ACAP2: variants seen among roughly 807,000 people sequenced by gnomAD.
ACAP2 encodes ArfGAP with coiled-coil, ankyrin repeat and PH domains 2, also known as arf-GAP with coiled-coil, ANK repeat and PH domain-containing protein 2.
ACAP2 carries 39 observed loss-of-function variants against 115.8 expected under a neutral mutation model. That is an observed-to-expected ratio of 0.34 (90% CI 0.26 to 0.44). ACAP2 has a LOEUF of 0.44. ACAP2 is among the 20% of genes least tolerant of loss of function. The pLI is 1.00. For missense variants in ACAP2, 662 were observed against 927.6 expected (o/e 0.71, Z 3.72); for synonymous variants, 289 against 315.8 (o/e 0.92, Z 0.90).
intron 10 of ACAP2, among the ~76,000 whole-genome samples, chr3:195,310,757 T>G (rs1327916538): frequency 1.3e-5 from 2 of 152,228 alleles, no homozygotes; most frequent in African/African-American, 4.8e-5. Flanking sequence ...AAGGATCATA[T>G]GTATTTCTGA....
intron 4 of ACAP2, among the ~76,000 whole-genome samples, chr3:195,369,924 GTTT>G (rs1733004499): frequency 6.6e-6 from 1 of 152,044 alleles, no homozygotes; most frequent in Admixed American, 6.6e-5. Flanking sequence ...GGCAGCATGT[GTTT>G]TTTACTTTTT....
At chr3:195,297,375 T>C (rs1727723762) in intron 15 of ACAP2, 94 bp from the exon 16 acceptor site, 3 of 989,150 alleles carry the variant, frequency 3.0e-6, no homozygotes, top group Non-Finnish European at 4.5e-6. Context: ...TACAGTTAAC[T>C]AATCCCCTTA....
In ACAP2 at chr3:195,381,447, A is replaced by C. The variant is rs1304958691; in HGVS notation, c.232-385T>G. ...TATTATTTCTCATGAAAGAAATATA[A>C]CACCACATAGTATACCAAGGAATCT... On this transcript the variant is annotated intron_variant, in intron 3 of 22. Coordinates refer to ENST00000326793, the MANE Select transcript of ACAP2 (RefSeq NM_012287.6). 3.3e-5 allele frequency among the ~76,000 whole-genome samples: 5 copies of C among 152,192 alleles called. No individual in the cohort carries two copies. In the East Asian group the frequency reaches 9.6e-4, roughly 29 times the overall value.
At chr3:195,289,642 T>TAA (rs75605477) in intron 20 of ACAP2, among the ~76,000 whole-genome samples, 3 of 140,826 alleles carry the variant, frequency 2.1e-5, no homozygotes, top group South Asian at 2.2e-4. Context: ...CTACTAAAAT[T>TAA]AAAAAAAAAA....
At chr3:195,321,951 T>C (rs1256089392) in intron 9 of ACAP2, among the ~76,000 whole-genome samples, 1 of 152,192 alleles carries the variant, frequency 6.6e-6, no homozygotes, top group Non-Finnish European at 1.5e-5. Flanking sequence ...ATGGCATTTT[T>C]TCCTAAAATA....
chr3:195,386,062 T>C (rs1430726577), intron 2 of ACAP2, among the ~76,000 whole-genome samples: 2 of 152,208 alleles, frequency 1.3e-5, no homozygotes, highest in East Asian at 1.9e-4. Context: ...TATCCAGCTA[T>C]AAAAACAAAG....
At chr3:195,430,363 A>G (rs1262936601) in intron 1 of ACAP2, among the ~76,000 whole-genome samples, 1 of 152,200 alleles carries the variant, frequency 6.6e-6, no homozygotes, top group Non-Finnish European at 1.5e-5. Flanking sequence ...ATATATTTTC[A>G]GAGACATACA....
At chr3:195,352,880 A>G (rs911873340) in intron 4 of ACAP2, among the ~76,000 whole-genome samples, 2 of 152,088 alleles carry the variant, frequency 1.3e-5, no homozygotes, top group Non-Finnish European at 2.9e-5. Context: ...CAGGAGTTCC[A>G]GACCAGCCTG....
At position 195,366,891 on chromosome 3, in the gene ACAP2, C is replaced by T. The variant is rs113770140; in HGVS notation, c.285+14118G>A. On this transcript the variant is annotated intron_variant, in intron 4 of 22. Transcript: ENST00000326793. ...ACAACAGTCATCAGGACACTCTTTC[C>T]GCCAAGGGCTAGATATAATAAGCAT... is the stretch of plus-strand genomic sequence containing the variant. Among the ~76,000 whole-genome samples the T allele has an allele frequency of 5.3e-5, 8 of 152,148 alleles. No homozygotes were observed. The South Asian group carries it at 1.2e-3, about 24-fold the overall frequency.
At chr3:195,431,480 C>G (rs1333698592) in intron 1 of ACAP2, among the ~76,000 whole-genome samples, 2 of 152,074 alleles carry the variant, frequency 1.3e-5, no homozygotes, top group African/African-American at 4.8e-5. Flanking sequence ...CTCTGTCACC[C>G]AGGCTGGAGT....
chr3:195,328,579 C>A (rs1401320783), intron 8 of ACAP2, among the ~76,000 whole-genome samples: 3 of 152,212 alleles, frequency 2.0e-5, no homozygotes, highest in Non-Finnish European at 2.9e-5. Flanking sequence ...AAAATATACT[C>A]TCACAGAAGT....
At chr3:195,379,787 G>A (rs1289999796) in intron 4 of ACAP2, among the ~76,000 whole-genome samples, 1 of 152,180 alleles carries the variant, frequency 6.6e-6, no homozygotes, top group Non-Finnish European at 1.5e-5. Context: ...CTGGGTGACA[G>A]AGTGAGACCC....
At chr3:195,283,550 C>G (rs1726644772) in intron 22 of ACAP2, among the ~76,000 whole-genome samples, 1 of 152,112 alleles carries the variant, frequency 6.6e-6, no homozygotes, top group East Asian at 1.9e-4. Flanking sequence ...AACAAGCAAC[C>G]AAAGCATTTG....
intron 1 of ACAP2, among the ~76,000 whole-genome samples, chr3:195,407,035 TGAGA>T (rs1560337880): frequency 1.3e-5 from 2 of 151,584 alleles, no homozygotes; most frequent in African/African-American, 4.9e-5. Flanking sequence ...AAGGATCCTA[TGAGA>T]GAGAGAGGAA....
intron 7 of ACAP2, among the ~76,000 whole-genome samples, chr3:195,333,556 A>G (rs193156808): frequency 6.6e-6 from 1 of 152,342 alleles, no homozygotes; most frequent in African/African-American, 2.4e-5. Context: ...TGTATTTCAA[A>G]AATATTTTCA....
intron 10 of ACAP2, among the ~76,000 whole-genome samples, chr3:195,309,830 TTTAC>T (rs1472525424): frequency 1.3e-5 from 2 of 152,136 alleles, no homozygotes; most frequent in African/African-American, 4.8e-5. Flanking sequence ...AGACAAACAA[TTTAC>T]TTACGATCTT....
At chr3:195,294,863 C>A in intron 17 of ACAP2, 52 bp from the exon 18 acceptor site, 1 of 1,163,310 alleles carries the variant, frequency 8.6e-7, no homozygotes. Context: ...ATTTAGAAAA[C>A]AATCTCCCAC....
chr3:195,379,929 A>G (rs6794216), intron 4 of ACAP2, among the ~76,000 whole-genome samples: 36,480 of 152,126 alleles, frequency 0.24, 5,126 homozygotes, highest in East Asian at 0.72. Flanking sequence ...CAAAACTACA[A>G]TGAGATACCA....
At position 195,279,728 on chromosome 3, in the gene ACAP2, C is replaced by CG. The variant is rs199565088; in HGVS notation, c.2237-301dup. The CG allele has an allele frequency of 4.6e-3, 834 of 181,804 alleles. 5 individuals are homozygous for CG. Among genetic ancestry groups the CG allele is most frequent in the Non-Finnish European group, 6.1e-3 (542 of 88,480 alleles). The allele number at this position is 181,804 out of a possible 1,614,324, so 11.3% of individuals were successfully genotyped here. ...GTAAAGAAATACGTTTATTAACACACGGGGGGGAAAAGTCATTCTAAATGA... is the reference window on the plus strand; with the variant it reads ...GTAAAGAAATACGTTTATTAACACACGGGGGGGGAAAAGTCATTCTAAATGA... On this transcript the variant is annotated intron_variant, in intron 22 of 22. Transcript: ENST00000326793.
Sources: allele counts gnomAD v4.1 joint callset (sites outside exome capture counted in the v4.1 genomes callset), GRCh38; gene constraint gnomAD v4.1.1; transcripts MANE v1.5; gene names NCBI Gene and HGNC (gene_info 2026-07-23, HGNC 2026-07-21).